Variants in PMFBP1 observed in about 807,000 individuals in gnomAD.
The protein encoded by PMFBP1 is polyamine modulated factor 1 binding protein 1, also known as polyamine-modulated factor 1-binding protein 1.
PMFBP1 carries 131 observed loss-of-function variants against 137.8 expected under a neutral mutation model. The observed-to-expected ratio is 0.95, with a 90% CI of 0.82 to 1.10. The LOEUF (loss-of-function observed/expected upper bound fraction) is 1.10, where lower values mean the gene tolerates loss of function less well. Among genes scored for constraint, PMFBP1 ranks in the 50% least tolerant of loss-of-function variants. PMFBP1 has a pLI of 0.00. For synonymous variants in PMFBP1, 490 were observed against 450.4 expected (o/e 1.09, Z -1.11); for missense variants, 1,199 against 1,175.4 (o/e 1.02, Z -0.29).
At chr16:72,140,155 T>C (rs906351114) in intron 6 of PMFBP1, among the ~76,000 whole-genome samples, 3 of 152,228 alleles carry the variant, frequency 2.0e-5, no homozygotes, top group Non-Finnish European at 4.4e-5. Flanking sequence ...TCTCTTAATC[T>C]CTTTAACCAT....
the PMFBP1 span, among the ~76,000 whole-genome samples, chr16:72,214,515 G>C: frequency 6.7e-4 from 102 of 152,260 alleles, no homozygotes; most frequent in Admixed American, 2.0e-3. Flanking sequence ...TGAGAAATTA[G>C]TATTCCTAAT....
At chr16:72,149,934 AC>A (rs2042876443) in intron 5 of PMFBP1, among the ~76,000 whole-genome samples, 1 of 152,234 alleles carries the variant, frequency 6.6e-6, no homozygotes, top group South Asian at 2.1e-4. Flanking sequence ...TCAAGTAATT[AC>A]CTAAGAAGAG....
At chr16:72,190,501 A>G in the PMFBP1 span, among the ~76,000 whole-genome samples, 1 of 152,210 alleles carries the variant, frequency 6.6e-6, no homozygotes, top group African/African-American at 2.4e-5. Flanking sequence ...ACTGATGGGA[A>G]GAGAGAGTGC....
At chr16:72,225,458 G>C in the PMFBP1 span, among the ~76,000 whole-genome samples, 1 of 152,066 alleles carries the variant, frequency 6.6e-6, no homozygotes, top group East Asian at 1.9e-4. Flanking sequence ...GGGAGGCCAA[G>C]GCGGGAGGAT....
At chr16:72,132,003 G>A (rs1419966814) in intron 10 of PMFBP1, among the ~76,000 whole-genome samples, 1 of 152,030 alleles carries the variant, frequency 6.6e-6, no homozygotes, top group Non-Finnish European at 1.5e-5. Context: ...CCACCACCAT[G>A]CCTGGCTAAT....
At chr16:72,213,826 C>T in the PMFBP1 span, among the ~76,000 whole-genome samples, 9 of 152,252 alleles carry the variant, frequency 5.9e-5, no homozygotes, top group African/African-American at 2.2e-4. Flanking sequence ...GCAAATTTTA[C>T]ACATAAACAG....
rs374516782 is a variant in PMFBP1, at chr16:72,136,564, C to T, written c.1087G>A (p.Glu363Lys). ...TTCCTCTCAATGTGGGCAGATGTCT[C>T]CTCCCGCAGTCCGTGCAGGTCCAGC... The part of the protein sequence containing the change: ...LELDLHGLRE[E>K]TSAHIERKDK... The change falls in exon 9 of 21, where the codon GAG (glutamate) becomes AAG (lysine). Residue 363 changes from glutamate to lysine, a missense_variant. By Grantham distance (56) the Glu-to-Lys change is moderately conservative (BLOSUM62 1). Coordinates refer to ENST00000237353, the MANE Select transcript of PMFBP1 (RefSeq NM_031293.3). The T allele has an allele frequency of 6.2e-7, 1 of 1,613,912 alleles. No homozygotes were observed. Among genetic ancestry groups the T allele is most frequent in the African/African-American group, 1.3e-5 (1 of 74,862 alleles).
intron 14 of PMFBP1, chr16:72,128,289 G>T: frequency 2.1e-6 from 2 of 958,098 alleles, no homozygotes; most frequent in Non-Finnish European, 2.8e-6. Flanking sequence ...AAAAATAACT[G>T]TCCCCCCTTT....
At chr16:72,215,122 T>C in the PMFBP1 span, among the ~76,000 whole-genome samples, 1 of 151,732 alleles carries the variant, frequency 6.6e-6, no homozygotes, top group Non-Finnish European at 1.5e-5. Context: ...TAATGAGAAA[T>C]CCCAGAATGA....
intron 6 of PMFBP1, among the ~76,000 whole-genome samples, chr16:72,140,018 C>T (rs1486907244): frequency 6.6e-6 from 1 of 152,176 alleles, no homozygotes; most frequent in Non-Finnish European, 1.5e-5. Flanking sequence ...CTGAACTATA[C>T]ATGGAATTCT....
chr16:72,197,772 T>C, the PMFBP1 span, among the ~76,000 whole-genome samples: 1 of 152,312 alleles, frequency 6.6e-6, no homozygotes, highest in East Asian at 1.9e-4. Flanking sequence ...AGCGAGAAGC[T>C]GAAATTGCAG....
At chr16:72,176,874 T>C (rs1596985871), upstream of PMFBP1, 1 of 152,252 alleles carries the variant, frequency 6.6e-6, no homozygotes, top group African/African-American at 2.4e-5. Flanking sequence ...GGAACCCCTG[T>C]TTCATGGTGG....
the PMFBP1 span, among the ~76,000 whole-genome samples, chr16:72,221,404 G>A: frequency 1.3e-5 from 2 of 152,180 alleles, no homozygotes; most frequent in East Asian, 1.9e-4. Context: ...CCGCTGCTCC[G>A]GCAATTAACT....
chr16:72,244,814 T>C, the PMFBP1 span, among the ~76,000 whole-genome samples: 63 of 152,326 alleles, frequency 4.1e-4, no homozygotes, highest in Non-Finnish European at 7.2e-4. Context: ...CTCCCCAGGC[T>C]AGCCACTTCC....
Position 72,122,981 on chromosome 16 carries a change from T to A in PMFBP1, c.2701A>T (p.Asn901Tyr). The A allele has an allele frequency of 6.2e-7, 1 of 1,612,882 alleles. No homozygotes were observed. Residue 901 changes from asparagine (N) to tyrosine (Y), a missense_variant, in exon 19 of 21, where the codon AAT (asparagine) becomes TAT (tyrosine). By Grantham distance (143) the Asn-to-Tyr change is moderately radical. Transcript: ENST00000237353. ...EQWAKQQKVA[N>Y]EKLGNQLREQ... ...CGGAGCTGGTTTCCTAGTTTCTCAT[T>A]GGCGACCCTGTAATAAAATCACAGG...
At chr16:72,190,233 A>T in the PMFBP1 span, among the ~76,000 whole-genome samples, 5 of 152,060 alleles carry the variant, frequency 3.3e-5, no homozygotes, top group Non-Finnish European at 5.9e-5. Flanking sequence ...CTGAGCAAGG[A>T]GGGGGTTGGT....
At chr16:72,126,958 G>C (rs1244692193) in intron 14 of PMFBP1, among the ~76,000 whole-genome samples, 2 of 152,172 alleles carry the variant, frequency 1.3e-5, no homozygotes, top group Non-Finnish European at 2.9e-5. Flanking sequence ...TGTAAAAAGG[G>C]CTTTGTTTTA....
the PMFBP1 span, among the ~76,000 whole-genome samples, chr16:72,196,329 G>A: frequency 6.4e-4 from 97 of 152,240 alleles, no homozygotes; most frequent in African/African-American, 1.0e-3. Context: ...TACAGGGTAC[G>A]GGGGCTTCTT....
At chr16:72,222,318 T>C in the PMFBP1 span, among the ~76,000 whole-genome samples, 2 of 152,310 alleles carry the variant, frequency 1.3e-5, no homozygotes, top group East Asian at 3.9e-4. Flanking sequence ...CTCAGCTTCT[T>C]TTCATTCCAA....
Sources: allele counts gnomAD v4.1 joint callset (sites outside exome capture counted in the v4.1 genomes callset), GRCh38; gene constraint gnomAD v4.1.1; transcripts MANE v1.5; gene names NCBI Gene and HGNC (gene_info 2026-07-23, HGNC 2026-07-21).